Variants in STK31 observed in about 807,000 individuals in gnomAD.
STK31 encodes the protein serine/threonine-protein kinase 31.
STK31 carries 89 observed loss-of-function variants against 129.7 expected under a neutral mutation model. The ratio of observed to expected loss-of-function variants is 0.69; its 90% CI spans 0.58 to 0.82. The LOEUF (loss-of-function observed/expected upper bound fraction) is 0.82. Ranked by LOEUF, STK31 falls within the 40% of genes least tolerant of loss-of-function variation. The probability of loss-of-function intolerance (pLI) is 0.00; values close to 1 mark genes in which losing one functional copy is unlikely to be tolerated. For synonymous variants in STK31, 448 were observed against 395.3 expected (o/e 1.13, Z -1.58); for missense variants, 1,187 against 1,176.4 (o/e 1.01, Z -0.13).
intron 22 of STK31, chr7:23,791,274 T>A: frequency 4.1e-6 from 4 of 985,286 alleles, no homozygotes; most frequent in Non-Finnish European, 4.8e-6. Context: ...ATATTCCTGC[T>A]TCCAGTGTAG....
In STK31 at chr7:23,714,838, A is replaced by G. The variant is rs557161023; in HGVS notation, c.150+2552A>G. Reference sequence around the variant, plus strand: ...GTATTTTACCATTTTTAGGCCATACAGTTTGTTTTGCAGCTATTCAATTCT... The same window carrying G: ...GTATTTTACCATTTTTAGGCCATACGGTTTGTTTTGCAGCTATTCAATTCT... On this transcript the variant is annotated intron_variant, in intron 3 of 23. Transcript: ENST00000355870. 1.4e-4 allele frequency among the ~76,000 whole-genome samples: 21 copies of G among 152,190 alleles called. 1 individual carries two copies. The South Asian group carries it at 4.4e-3, about 32-fold the overall frequency.
intron 23 of STK31, among the ~76,000 whole-genome samples, chr7:23,828,455 A>C (rs200937919): frequency 1.3e-5 from 2 of 152,184 alleles, no homozygotes; most frequent in African/African-American, 2.4e-5. Context: ...GCGCAGTATT[A>C]GGGTGGGAGT....
At chr7:23,831,033 T>C (rs1300765216) in intron 23 of STK31, among the ~76,000 whole-genome samples, 1 of 152,242 alleles carries the variant, frequency 6.6e-6, no homozygotes, top group African/African-American at 2.4e-5. Context: ...TTGAGCTTTG[T>C]TTTGTGGCTT....
chr7:23,765,558 C>T lies in STK31; in HGVS notation c.1416+2635C>T, dbSNP rs1584408195. Among the ~76,000 whole-genome samples the T allele has an allele frequency of 5.4e-5, 7 of 129,608 alleles. No homozygotes were observed. The South Asian group carries it at 1.2e-3, about 22-fold the overall frequency. 85.0% of individuals were successfully genotyped at this position (129,608 alleles called of 152,430 possible). On this transcript the variant is annotated intron_variant, in intron 11 of 23. Coordinates refer to ENST00000355870, the MANE Select transcript of STK31 (RefSeq NM_031414.5). ...CTTTTTCTAACTTACACCTCTTATA[C>T]TTTTTTTTTTTTTTTTGAGATGGAG...
Position 23,802,549 on chromosome 7 carries a change from T to G in STK31, c.2760+11603T>G, listed in dbSNP as rs185579084. 4.3e-4 allele frequency among the ~76,000 whole-genome samples: 65 copies of G among 152,308 alleles called. 1 individual carries two copies. The highest frequency in any genetic ancestry group is 1.2e-4 in the Non-Finnish European group (8 of 68,024). ...TTGTCTTTAAGACGCAGTCTCACTC[T>G]GTCACCCAGGCTGGAGTGTACTGGC... On this transcript the variant is annotated intron_variant, in intron 22 of 23. Coordinates refer to ENST00000355870, the MANE Select transcript of STK31 (RefSeq NM_031414.5).
intron 23 of STK31, among the ~76,000 whole-genome samples, chr7:23,817,998 T>TCTGC (rs1793567178): frequency 2.0e-5 from 3 of 152,012 alleles, no homozygotes; most frequent in African/African-American, 7.2e-5. Context: ...TTTCTATCCT[T>TCTGC]CTGCTTGCTT....
intron 8 of STK31, among the ~76,000 whole-genome samples, chr7:23,744,876 C>T (rs1047313418): frequency 6.6e-6 from 1 of 152,182 alleles, no homozygotes; most frequent in Non-Finnish European, 1.5e-5. Flanking sequence ...CAGGACAGCA[C>T]ATGCTGGCAC....
intron 23 of STK31, among the ~76,000 whole-genome samples, chr7:23,826,639 T>C (rs1164444341): frequency 6.6e-6 from 1 of 152,216 alleles, no homozygotes; most frequent in Non-Finnish European, 1.5e-5. Flanking sequence ...GATCCTGTCA[T>C]TATGATGTTA....
chr7:23,754,612 G>C, intron 10 of STK31, 138 bp downstream of exon 10: 2 of 899,446 alleles, frequency 2.2e-6, no homozygotes, highest in African/African-American at 1.7e-5. Flanking sequence ...ATGCGCCGTG[G>C]TAGTTTGCTG....
At chr7:23,739,909 A>G (rs1382592948) in intron 8 of STK31, among the ~76,000 whole-genome samples, 1 of 152,134 alleles carries the variant, frequency 6.6e-6, no homozygotes, top group African/African-American at 2.4e-5. Flanking sequence ...AGATAGCGTG[A>G]TGTCTCCAGG....
chr7:23,806,626 C>CGCGGTGG (rs1792718425), intron 22 of STK31, among the ~76,000 whole-genome samples: 1 of 152,106 alleles, frequency 6.6e-6, no homozygotes, highest in Non-Finnish European at 1.5e-5. Flanking sequence ...TTGGGCCGGG[C>CGCGGTGG]GCGGTGGCTC....
At chr7:23,775,713 C>G (rs1298709809) in intron 15 of STK31, among the ~76,000 whole-genome samples, 1 of 152,168 alleles carries the variant, frequency 6.6e-6, no homozygotes, top group Non-Finnish European at 1.5e-5. Flanking sequence ...TGCTTATCAG[C>G]TTAAGGAGAT....
At chr7:23,769,989 A>G (rs1418122021) in intron 13 of STK31, among the ~76,000 whole-genome samples, 1 of 152,224 alleles carries the variant, frequency 6.6e-6, no homozygotes, top group Non-Finnish European at 1.5e-5. Context: ...GACATTTCAC[A>G]TAAAAAATCT....
chr7:23,754,156 AT>A (rs1333608931), intron 9 of STK31, among the ~76,000 whole-genome samples, 158 bp from the exon 10 acceptor site: 2 of 152,216 alleles, frequency 1.3e-5, no homozygotes, highest in African/African-American at 4.8e-5. Flanking sequence ...ACTGAAAAAA[AT>A]AAGTTATACA....
intron 22 of STK31, among the ~76,000 whole-genome samples, chr7:23,798,772 AG>A (rs1792172024): frequency 6.6e-6 from 1 of 152,136 alleles, no homozygotes; most frequent in East Asian, 1.9e-4. Context: ...AGAGAAAGAA[AG>A]GGTATTCAAA....
At chr7:23,782,910 G>C (rs1791024586) in intron 16 of STK31, among the ~76,000 whole-genome samples, 1 of 151,922 alleles carries the variant, frequency 6.6e-6, no homozygotes, top group African/African-American at 2.4e-5. Context: ...TGCAAGATTT[G>C]TGCTTATGTA....
At chr7:23,735,481 A>G (rs1787662441) in intron 6 of STK31, 57 bp from the exon 7 acceptor site, 7 of 1,450,722 alleles carry the variant, frequency 4.8e-6, no homozygotes, top group Admixed American at 4.5e-5. Context: ...GGGTAGGAAC[A>G]AAATAAGGGA....
chr7:23,775,982 T>G (rs576010950), intron 15 of STK31, among the ~76,000 whole-genome samples: 4 of 152,308 alleles, frequency 2.6e-5, no homozygotes, highest in African/African-American at 7.2e-5. Context: ...AAATGGCTCT[T>G]AATATTTTGA....
intron 4 of STK31, among the ~76,000 whole-genome samples, chr7:23,718,373 A>G (rs890763311): frequency 6.6e-6 from 1 of 152,138 alleles, no homozygotes; most frequent in Non-Finnish European, 1.5e-5. Flanking sequence ...TAAGGTATAT[A>G]TCTCTTAAGA....
Sources: gnomAD v4.1 joint callset for allele counts (sites outside exome capture counted in the v4.1 genomes callset) on GRCh38, gnomAD v4.1.1 for gene constraint, MANE v1.5 for transcripts, NCBI Gene and HGNC (gene_info 2026-07-23, HGNC 2026-07-21) for gene names.